The following SMOC1 variants were observed in gnomAD, a reference collection of about 807,000 sequenced individuals.
SMOC1 encodes the protein SPARC related modular calcium binding 1.
A neutral mutation model predicts 56.3 loss-of-function variants in SMOC1; 22 were observed. The ratio of observed to expected loss-of-function variants is 0.39; its 90% CI spans 0.28 to 0.56. The LOEUF is 0.56. Among genes scored for constraint, SMOC1 ranks in the 20% least tolerant of loss-of-function variants. SMOC1 has a pLI of 0.61. For synonymous variants in SMOC1, 193 were observed against 215.0 expected, an observed-to-expected ratio of 0.90 and a Z score of 0.89; for missense variants, 509 against 565.4, an observed-to-expected ratio of 0.90 and a Z score of 1.01.
At chr14:69,970,328 G>A (rs1594830315) in intron 3 of SMOC1, among the ~76,000 whole-genome samples, 1 of 152,240 alleles carries the variant, frequency 6.6e-6, no homozygotes, top group African/African-American at 2.4e-5. Flanking sequence ...ACAAGGTACT[G>A]GGAGCCAACT....
chr14:69,956,691 T>A lies in SMOC1; in HGVS notation c.378+3159T>A, dbSNP rs539608193. 2.4e-3 allele frequency among the ~76,000 whole-genome samples: 372 copies of A among 152,228 alleles called. 6 individuals are homozygous for A. Among genetic ancestry groups the A allele is most frequent in the Non-Finnish European group, 1.9e-3 (126 of 68,010 alleles). On this transcript the variant is annotated intron_variant, in intron 3 of 11. Transcript: ENST00000361956. ...ACTGACTTGGCTTTAATGGGCTTCA[T>A]GTGGGACTCGCTGGCCTCTGTTCTT...
At chr14:69,956,480 AAC>A (rs1883191374) in intron 3 of SMOC1, among the ~76,000 whole-genome samples, 1 of 150,476 alleles carries the variant, frequency 6.6e-6, no homozygotes. Flanking sequence ...CTAAGACCAA[AAC>A]CCAGAGATAA....
intron 1 of SMOC1, among the ~76,000 whole-genome samples, chr14:69,943,904 C>T (rs1166146839): frequency 6.6e-6 from 1 of 152,216 alleles, no homozygotes; most frequent in African/African-American, 2.4e-5. Context: ...TTCTGCCCCT[C>T]AGTGGCATCT....
At chr14:69,920,730 A>G (rs1594802254) in intron 1 of SMOC1, among the ~76,000 whole-genome samples, 1 of 152,180 alleles carries the variant, frequency 6.6e-6, no homozygotes, top group African/African-American at 2.4e-5. Context: ...AAGAGCTACA[A>G]AGGAGATCTG....
intron 1 of SMOC1, among the ~76,000 whole-genome samples, chr14:69,882,608 C>T (rs923856711): frequency 6.6e-6 from 1 of 152,074 alleles, no homozygotes; most frequent in African/African-American, 2.4e-5. Context: ...AGGAGGCAGC[C>T]GTTTCTTTAA....
intron 1 of SMOC1, among the ~76,000 whole-genome samples, 200 bp from the exon 2 acceptor site, chr14:69,951,938 C>T (rs552769971): frequency 6.6e-6 from 1 of 152,278 alleles, no homozygotes; most frequent in Admixed American, 6.5e-5. Flanking sequence ...AATTGTTAGA[C>T]ATTATTGTTC....
At chr14:69,941,240 G>A (rs941636133) in intron 1 of SMOC1, among the ~76,000 whole-genome samples, 1 of 152,210 alleles carries the variant, frequency 6.6e-6, no homozygotes, top group Non-Finnish European at 1.5e-5. Flanking sequence ...GACAGTGATA[G>A]GATTTGGTTC....
chr14:69,952,291 G>C lies in SMOC1; in HGVS notation c.253G>C (p.Gly85Arg), dbSNP rs145722328. 3.0e-4 allele frequency: 489 copies of C among 1,614,136 alleles called. 2 individuals carry two copies. In the African/African-American group the frequency reaches 5.8e-3, roughly 19 times the overall value. ...RDPTLGVVHR[G>R]RCKDAGQSKC... is the part of the protein sequence containing the mutation. ...CCCGACCCTGGGCGTGGTGCATCGA[G>C]GTAGATGCAAAGGTGAGTGTGTGCA... The change falls in exon 2 of 12, where the codon GGT (glycine) becomes CGT (arginine). Residue 85 changes from glycine to arginine, a missense_variant. Gly to Arg is a moderately radical substitution (Grantham distance 125). Around this residue, in one of 3 missense-constraint regions of SMOC1, gnomAD observed 315 missense variants for 333.1 expected, o/e 0.95. Coordinates refer to ENST00000361956, the MANE Select transcript of SMOC1 (RefSeq NM_001034852.3).
intron 5 of SMOC1, 127 bp from the exon 6 acceptor site, chr14:69,992,290 T>G: frequency 1.2e-6 from 1 of 815,102 alleles, no homozygotes; most frequent in Non-Finnish European, 2.1e-6. Flanking sequence ...TTCTTTTTCT[T>G]TGTTCTCTTC....
intron 3 of SMOC1, among the ~76,000 whole-genome samples, chr14:69,953,778 T>G (rs1349692665): frequency 6.6e-6 from 1 of 152,224 alleles, no homozygotes; most frequent in Non-Finnish European, 1.5e-5. Flanking sequence ...CTGGCATTGC[T>G]TGGTCCCCAT....
At chr14:70,025,567 G>A (rs115402097) in intron 11 of SMOC1, among the ~76,000 whole-genome samples, 2 of 152,090 alleles carry the variant, frequency 1.3e-5, no homozygotes, top group African/African-American at 2.4e-5. Flanking sequence ...TCCCGGCCTC[G>A]CTCTTTCACT....
intron 1 of SMOC1, among the ~76,000 whole-genome samples, chr14:69,908,281 C>T (rs1209739062): frequency 6.6e-6 from 1 of 152,068 alleles, no homozygotes; most frequent in Non-Finnish European, 1.5e-5. Context: ...CTTTCATTTC[C>T]CTTGTGTAAA....
chr14:70,030,118 G>A lies in SMOC1; in HGVS notation c.1292-124G>A, dbSNP rs1488122116. The A allele has an allele frequency of 5.6e-5, 81 of 1,439,512 alleles. No homozygotes were observed. In the East Asian group the frequency reaches 1.8e-3, roughly 32 times the overall value. The allele number at this position is 1,439,512 out of a possible 1,614,324, so 89.2% of individuals were successfully genotyped here. A position where few individuals can be genotyped will look rare whatever the true frequency, so the allele number is the denominator to read the frequency against. On this transcript the variant is annotated intron_variant, in intron 11 of 11. Coordinates refer to ENST00000361956, the MANE Select transcript of SMOC1 (RefSeq NM_001034852.3). ...CTCATAGAGGACAGCAGGTGGAAAA[G>A]GCTGCACTTGTGGGGAAATTGATGG...
At chr14:69,886,615 C>A (rs1435478421) in intron 1 of SMOC1, among the ~76,000 whole-genome samples, 1 of 152,182 alleles carries the variant, frequency 6.6e-6, no homozygotes, top group Non-Finnish European at 1.5e-5. Flanking sequence ...CCTCCCCAGT[C>A]CTTTTTTGTA....
intron 3 of SMOC1, among the ~76,000 whole-genome samples, chr14:69,957,513 C>CT (rs1275542224): frequency 6.6e-6 from 1 of 152,170 alleles, no homozygotes; most frequent in Non-Finnish European, 1.5e-5. Flanking sequence ...AGGCTGTGCT[C>CT]TTAACTTTTT....
In SMOC1 at chr14:70,013,506, A is replaced by C; in HGVS notation, c.1046+15A>C. 3 of 1,611,910 alleles carry C rather than the reference A, an allele frequency of 1.9e-6. No homozygotes were observed. The highest frequency in any genetic ancestry group is 1.7e-6 in the Non-Finnish European group (2 of 1,178,142). On this transcript the variant is annotated intron_variant, in intron 10 of 11. Transcript: ENST00000361956. ...GGAGGTGGGAGGTGAGATTGTGAGC[A>C]GGAATCAGGCCCAGGAGAAAAATGT... is the stretch of plus-strand genomic sequence containing the variant.
chr14:70,018,087 C>T (rs181347168), intron 10 of SMOC1, among the ~76,000 whole-genome samples: 2 of 152,164 alleles, frequency 1.3e-5, no homozygotes, highest in Admixed American at 1.3e-4. Context: ...CAGAGTTGAG[C>T]AGAGCCCAGC....
At chr14:69,917,844 T>C (rs1029711612) in intron 1 of SMOC1, among the ~76,000 whole-genome samples, 1 of 152,114 alleles carries the variant, frequency 6.6e-6, no homozygotes, top group Non-Finnish European at 1.5e-5. Context: ...TCTAGTCACA[T>C]AGTGGACACA....
At chr14:69,947,864 A>G (rs562386699) in intron 1 of SMOC1, among the ~76,000 whole-genome samples, 1 of 152,354 alleles carries the variant, frequency 6.6e-6, no homozygotes, top group Admixed American at 6.5e-5. Context: ...CATGTCCATC[A>G]TGGTGAGAAG....
Sources: allele counts gnomAD v4.1 joint callset (sites outside exome capture counted in the v4.1 genomes callset), GRCh38; gene constraint gnomAD v4.1.1; regional missense constraint gnomAD v4.1.1; transcripts MANE v1.5; gene names NCBI Gene and HGNC (gene_info 2026-07-23, HGNC 2026-07-21).